TMEM132D: variants seen among roughly 807,000 people sequenced by gnomAD.
TMEM132D encodes mature OL transmembrane protein.
A neutral mutation model predicts 62.3 loss-of-function variants in TMEM132D; 21 were observed. The observed-to-expected ratio is 0.34, with a 90% confidence interval of 0.24 to 0.49. TMEM132D has a LOEUF of 0.49. Among genes scored for constraint, TMEM132D ranks in the 20% least tolerant of loss-of-function variants. The pLI is 0.99. For missense variants in TMEM132D, 1,346 were observed against 1,402.8 expected (o/e 0.96, Z 0.65); for synonymous variants, 621 against 575.6 (o/e 1.08, Z -1.13).
rs79841249 is a variant in TMEM132D at position 129,853,522 on chromosome 12, C to A, written c.79+49739G>T. On this transcript the variant is annotated intron_variant, in intron 1 of 8. Coordinates refer to ENST00000422113, the MANE Select transcript of TMEM132D (RefSeq NM_133448.3). ...TACCTCCCTCTGCTTTAGTCTAAAGCTTCTTCCCATATAAACTAAAATCAT... is the reference window on the plus strand; with the variant it reads ...TACCTCCCTCTGCTTTAGTCTAAAGATTCTTCCCATATAAACTAAAATCAT... 6.2e-3 allele frequency: 946 copies of A among 152,308 alleles called. 6 individuals are homozygous for A. The highest frequency in any genetic ancestry group is 0.01 in the Middle Eastern group (3 of 294). The allele number at this position is 152,308 out of a possible 1,614,324, so 9.4% of individuals were successfully genotyped here. A position where few individuals can be genotyped will look rare whatever the true frequency, so the allele number is the denominator to read the frequency against.
In TMEM132D at chr12:129,703,011, A is replaced by G. The variant is rs181937218; in HGVS notation, c.80-2313T>C. ...GGCCTCTCCATGTAATGAGACTCCT[A>G]TAAGACCTACATCAGTTGATACAGT... On this transcript the variant is annotated intron_variant, in intron 1 of 8. Transcript: ENST00000422113. Among the ~76,000 whole-genome samples the G allele has an allele frequency of 5.7e-4, 87 of 152,358 alleles. No homozygotes were observed. The South Asian group carries it at 8.7e-3, about 15-fold the overall frequency.
chr12:129,292,798 A>G (rs2135620709), intron 4 of TMEM132D, among the ~76,000 whole-genome samples: 1 of 152,318 alleles, frequency 6.6e-6, no homozygotes, highest in African/African-American at 2.4e-5. Context: ...GAGAAAATGA[A>G]AAAAGGAGAG....
chr12:129,343,022 T>A (rs1157882893), intron 3 of TMEM132D, among the ~76,000 whole-genome samples: 1 of 152,200 alleles, frequency 6.6e-6, no homozygotes, highest in East Asian at 1.9e-4. Flanking sequence ...GTGTGGTGAC[T>A]CCTTAGGGAT....
Position 129,697,902 on chromosome 12 carries a change from T to TACACAC in TMEM132D, c.968+1902_968+1907dup, listed in dbSNP as rs36080799. ...ATTCAGTGCTACACACATCACTGCT[T>TACACAC]ACACACACACACACACACACACAAG... On this transcript the variant is annotated intron_variant, in intron 2 of 8. Coordinates refer to ENST00000422113, the MANE Select transcript of TMEM132D (RefSeq NM_133448.3). Among the ~76,000 whole-genome samples the TACACAC allele has an allele frequency of 1.3e-3, 189 of 143,860 alleles. 2 individuals are homozygous for TACACAC. Among genetic ancestry groups the TACACAC allele is most frequent in the African/African-American group, 4.5e-3 (181 of 39,974 alleles). 94.4% of individuals were successfully genotyped at this position (143,860 alleles called of 152,430 possible). A position where few individuals can be genotyped will look rare whatever the true frequency, so the allele number is the denominator to read the frequency against.
intron 4 of TMEM132D, 88 bp downstream of exon 4, chr12:129,337,546 T>TC (rs970346559): frequency 1.3e-6 from 2 of 1,524,442 alleles, no homozygotes; most frequent in Non-Finnish European, 1.8e-6. Flanking sequence ...CCTCCCCTTT[T>TC]CCCCACCCAG....
intron 2 of TMEM132D, among the ~76,000 whole-genome samples, chr12:129,578,442 G>A (rs1418694606): frequency 1.7e-4 from 13 of 76,276 alleles, no homozygotes; most frequent in African/African-American, 8.6e-5. Flanking sequence ...ATATATGTAT[G>A]TATATATATA....
In TMEM132D at chr12:129,602,445, T is replaced by C. The variant is rs544066660; in HGVS notation, c.969-71240A>G. ...TTGTGGAGAAAAGGCAATGGTAATA[T>C]GCAAAGTAAGAGAAAAGAGAAAAAA... On this transcript the variant is annotated intron_variant, in intron 2 of 8. Coordinates refer to ENST00000422113, the MANE Select transcript of TMEM132D (RefSeq NM_133448.3). 3.3e-5 allele frequency among the ~76,000 whole-genome samples: 5 copies of C among 151,252 alleles called. No homozygotes were observed. The South Asian group carries it at 8.4e-4, about 25-fold the overall frequency.
At chr12:129,875,437 A>AGCAG (rs1468170977) in intron 1 of TMEM132D, among the ~76,000 whole-genome samples, 1 of 152,218 alleles carries the variant, frequency 6.6e-6, no homozygotes, top group Non-Finnish European at 1.5e-5. Context: ...CAGCGTGGTT[A>AGCAG]GTTCCTGGTA....
intron 4 of TMEM132D, among the ~76,000 whole-genome samples, chr12:129,240,472 T>C (rs1566008431): frequency 6.6e-6 from 1 of 152,084 alleles, no homozygotes; most frequent in Non-Finnish European, 1.5e-5. Flanking sequence ...AATAAGAAGG[T>C]TAGAATTGTC....
chr12:129,735,387 G>C (rs2137255176), intron 1 of TMEM132D, among the ~76,000 whole-genome samples: 1 of 152,290 alleles, frequency 6.6e-6, no homozygotes, highest in East Asian at 1.9e-4. Flanking sequence ...ATAAAGTACA[G>C]TACTTATGTA....
intron 5 of TMEM132D, among the ~76,000 whole-genome samples, chr12:129,133,621 T>C (rs1023779143): frequency 1.3e-5 from 2 of 152,202 alleles, no homozygotes; most frequent in Admixed American, 6.5e-5. Context: ...CTGATTATGA[T>C]GGTGGTGGTG....
chr12:129,823,487 G>A (rs146046235), intron 1 of TMEM132D, among the ~76,000 whole-genome samples: 8 of 152,312 alleles, frequency 5.3e-5, no homozygotes, highest in Admixed American at 2.0e-4. Context: ...CCACATTTCC[G>A]TGGACCAGCC....
intron 1 of TMEM132D, among the ~76,000 whole-genome samples, chr12:129,764,964 C>T (rs553862479): frequency 8.5e-5 from 13 of 152,148 alleles, no homozygotes; most frequent in East Asian, 1.9e-4. Flanking sequence ...AAACACCCCA[C>T]TTATGTCCTG....
chr12:129,728,893 C>T (rs1869126393), intron 1 of TMEM132D, among the ~76,000 whole-genome samples: 1 of 152,194 alleles, frequency 6.6e-6, no homozygotes, highest in South Asian at 2.1e-4. Flanking sequence ...TCATTGCCCA[C>T]AGCAGATATT....
At chr12:129,729,605 A>G (rs1451100592) in intron 1 of TMEM132D, among the ~76,000 whole-genome samples, 1 of 152,026 alleles carries the variant, frequency 6.6e-6, no homozygotes, top group Non-Finnish European at 1.5e-5. Flanking sequence ...AAAAACTCCT[A>G]GTCATACTTC....
Position 129,209,546 on chromosome 12 carries a change from T to C in TMEM132D, c.1417A>G (p.Arg473Gly), listed in dbSNP as rs755853886. The C allele has an allele frequency of 6.8e-6, 11 of 1,614,034 alleles. No individual in the cohort carries two copies. In the East Asian group the frequency reaches 2.5e-4, roughly 36 times the overall value. Residue 473 changes from arginine (R) to glycine (G), a missense_variant, in exon 5 of 9, where the codon AGA (arginine) becomes GGA (glycine). By Grantham distance (125) the Arg-to-Gly change is moderately radical. Transcript: ENST00000422113. Reference protein sequence around the residue: ...VTELLESVECRSSDEDVIKVS... With the variant: ...VTELLESVECGSSDEDVIKVS... Reference sequence around the variant, plus strand: ...TTAATCACGTCTTCATCAGACGATCTACACTCCACAGACTCCAGCAGCTCT... The same window carrying C: ...TTAATCACGTCTTCATCAGACGATCCACACTCCACAGACTCCAGCAGCTCT...
intron 3 of TMEM132D, among the ~76,000 whole-genome samples, chr12:129,451,660 C>T (rs926112137): frequency 3.3e-5 from 5 of 152,158 alleles, no homozygotes; most frequent in African/African-American, 1.2e-4. Flanking sequence ...ACCACAGAGG[C>T]ATGCCCAAAT....
intron 1 of TMEM132D, among the ~76,000 whole-genome samples, chr12:129,787,727 G>A (rs1358275738): frequency 2.0e-5 from 3 of 152,174 alleles, no homozygotes; most frequent in Non-Finnish European, 4.4e-5. Flanking sequence ...TAACAGAGCT[G>A]AACGAAGTAG....
chr12:129,585,848 T>C (rs1878014465), intron 2 of TMEM132D, among the ~76,000 whole-genome samples: 1 of 151,852 alleles, frequency 6.6e-6, no homozygotes, highest in Non-Finnish European at 1.5e-5. Flanking sequence ...TGTCTGTGTG[T>C]GTGTGAGGGG....
Sources: gnomAD v4.1 joint callset for allele counts (sites outside exome capture counted in the v4.1 genomes callset) on GRCh38, gnomAD v4.1.1 for gene constraint, MANE v1.5 for transcripts, NCBI Gene and HGNC (gene_info 2026-07-23, HGNC 2026-07-21) for gene names.